EPHA5: variants seen among roughly 807,000 people sequenced by gnomAD.
EPHA5 encodes EPH receptor A5.
In EPHA5, 60 loss-of-function variants were observed where a neutral mutation model predicts 105.0. The ratio of observed to expected loss-of-function variants is 0.57; its 90% CI spans 0.46 to 0.71. The LOEUF (loss-of-function observed/expected upper bound fraction) is 0.71. Among genes scored for constraint, EPHA5 ranks in the 30% least tolerant of loss-of-function variants. The pLI is 0.00. For missense variants in EPHA5, 1,218 were observed against 1,274.7 expected (o/e 0.96, Z 0.68); for synonymous variants, 513 against 449.1 (o/e 1.14, Z -1.80).
intron 1 of EPHA5, among the ~76,000 whole-genome samples, chr4:65,646,031 G>A (rs1219796178): frequency 1.3e-5 from 2 of 152,006 alleles, no homozygotes; most frequent in African/African-American, 2.4e-5. Context: ...AATAAATTAG[G>A]ATTTGATTCT....
chr4:65,440,592 A>G (rs1356905825), intron 5 of EPHA5, among the ~76,000 whole-genome samples: 2 of 151,890 alleles, frequency 1.3e-5, no homozygotes, highest in African/African-American at 2.4e-5. Context: ...CGATTACTTC[A>G]TAGTAAAAAA....
intron 5 of EPHA5, among the ~76,000 whole-genome samples, chr4:65,451,276 A>G (rs1390879549): frequency 1.3e-5 from 2 of 152,188 alleles, no homozygotes; most frequent in African/African-American, 4.8e-5. Context: ...TTGTTCTTAC[A>G]ATATGTTTTC....
intron 2 of EPHA5, among the ~76,000 whole-genome samples, chr4:65,614,068 T>C (rs1489596251): frequency 1.3e-5 from 2 of 151,952 alleles, no homozygotes; most frequent in African/African-American, 4.8e-5. Context: ...TTTAGTGAAG[T>C]TGAAACATTA....
At chr4:65,657,923 T>C (rs1449471779) in intron 1 of EPHA5, among the ~76,000 whole-genome samples, 3 of 146,480 alleles carry the variant, frequency 2.0e-5, no homozygotes, top group Non-Finnish European at 4.5e-5. Context: ...AAAAAAAAGA[T>C]ATTTTACTGC....
At chr4:65,368,662 C>T (rs1718160639) in intron 8 of EPHA5, among the ~76,000 whole-genome samples, 1 of 152,134 alleles carries the variant, frequency 6.6e-6, no homozygotes, top group Non-Finnish European at 1.5e-5. Flanking sequence ...TGGCTATAGC[C>T]AAATTACAGT....
chr4:65,640,632 A>C (rs1482406192), intron 2 of EPHA5, among the ~76,000 whole-genome samples: 1 of 152,164 alleles, frequency 6.6e-6, no homozygotes, highest in Non-Finnish European at 1.5e-5. Context: ...GCTTAGACAG[A>C]ATATTTTGTT....
chr4:65,351,714 ATTTCTATCTGAAGGAGAT>A (rs1722837887), intron 12 of EPHA5, 116 bp from the exon 13 acceptor site: 4 of 845,342 alleles, frequency 4.7e-6, no homozygotes, highest in Non-Finnish European at 7.4e-6. Flanking sequence ...TTCATATGCA[ATTTCTATCTGAAGGAGAT>A]TGGAAAATGG....
intron 8 of EPHA5, among the ~76,000 whole-genome samples, chr4:65,377,510 C>T (rs540959598): frequency 6.6e-6 from 1 of 151,984 alleles, no homozygotes; most frequent in East Asian, 1.9e-4. Flanking sequence ...TCATGTGACC[C>T]ACCAATTTCT....
intron 1 of EPHA5, among the ~76,000 whole-genome samples, chr4:65,662,142 G>A (rs765961579): frequency 6.6e-6 from 1 of 151,678 alleles, no homozygotes. Flanking sequence ...AGAGAGGATG[G>A]GAAGAGACAT....
At chr4:65,620,145 A>G (rs1166593327) in intron 2 of EPHA5, among the ~76,000 whole-genome samples, 2 of 145,196 alleles carry the variant, frequency 1.4e-5, no homozygotes, top group African/African-American at 5.2e-5. Flanking sequence ...ATATGATAGT[A>G]ATAACTGTTT....
At chr4:65,642,964 T>C (rs1003459974) in intron 2 of EPHA5, among the ~76,000 whole-genome samples, 4 of 152,062 alleles carry the variant, frequency 2.6e-5, no homozygotes, top group Non-Finnish European at 4.4e-5. Context: ...TCAACACTGA[T>C]CATAGACCTG....
chr4:65,468,494 TAC>T (rs925360520), intron 5 of EPHA5, among the ~76,000 whole-genome samples: 5 of 142,556 alleles, frequency 3.5e-5, no homozygotes, highest in African/African-American at 7.7e-5. Context: ...ATGGTATGTA[TAC>T]ACACACACAC....
At chr4:65,595,642 G>A (rs987165371) in intron 3 of EPHA5, among the ~76,000 whole-genome samples, 26 of 149,520 alleles carry the variant, frequency 1.7e-4, no homozygotes, top group Admixed American at 1.7e-3. Context: ...GTGCAGTGGC[G>A]CGATCTCCAC....
intron 5 of EPHA5, among the ~76,000 whole-genome samples, chr4:65,480,874 A>ATAG (rs927927037): frequency 6.6e-6 from 1 of 151,574 alleles, no homozygotes; most frequent in Non-Finnish European, 1.5e-5. Flanking sequence ...AACATTAATA[A>ATAG]TAATAATAAT....
chr4:65,434,334 A>G, intron 5 of EPHA5, among the ~76,000 whole-genome samples: 1 of 152,124 alleles, frequency 6.6e-6, no homozygotes, highest in Non-Finnish European at 1.5e-5. Context: ...ATCATTATTC[A>G]GCCTACCACA....
In EPHA5 at chr4:65,601,633, A is replaced by G. The variant is rs2149436570; in HGVS notation, c.910+8T>C. On this transcript the variant is annotated splice_region_variant and intron_variant, in intron 3 of 16. Transcript: ENST00000613740. ...ACAGCCCCTGCAGATCTGGAGGCAA[A>G]CTCTTACCTTGACAGGTGCCATTTT... 1.2e-6 allele frequency: 2 copies of G among 1,609,450 alleles called. No individual in the cohort carries two copies. The highest frequency in any genetic ancestry group is 1.7e-6 in the Non-Finnish European group (2 of 1,176,508).
intron 3 of EPHA5, among the ~76,000 whole-genome samples, chr4:65,518,923 C>T (rs1433935648): frequency 6.6e-6 from 1 of 152,078 alleles, no homozygotes; most frequent in African/African-American, 2.4e-5. Flanking sequence ...TGAAACTATT[C>T]CAACCAATAG....
At chr4:65,509,159 T>C (rs1445213178) in intron 3 of EPHA5, among the ~76,000 whole-genome samples, 4 of 152,144 alleles carry the variant, frequency 2.6e-5, no homozygotes, top group Non-Finnish European at 5.9e-5. Context: ...CAATTTCAGG[T>C]GTCAACATTT....
intron 5 of EPHA5, among the ~76,000 whole-genome samples, chr4:65,462,034 T>C (rs1368795619): frequency 6.6e-6 from 1 of 152,068 alleles, no homozygotes; most frequent in Non-Finnish European, 1.5e-5. Context: ...GTAGACAGAT[T>C]GATAGGCAGA....
Sources: allele counts gnomAD v4.1 joint callset (sites outside exome capture counted in the v4.1 genomes callset), GRCh38; gene constraint gnomAD v4.1.1; transcripts MANE v1.5; gene names NCBI Gene and HGNC (gene_info 2026-07-23, HGNC 2026-07-21).